The following NXPH2 variants were observed in gnomAD, a reference collection of about 807,000 sequenced individuals.
The protein encoded by NXPH2 is neurexophilin-2.
Under a neutral mutation model 19.8 loss-of-function variants are expected in NXPH2, and 5 were observed. The observed-to-expected ratio is 0.25, with a 90% CI of 0.13 to 0.53. The LOEUF is 0.53. Among genes scored for constraint, NXPH2 ranks in the 20% least tolerant of loss-of-function variants. NXPH2 has a pLI of 0.96. For missense variants in NXPH2, 289 were observed against 322.8 expected (o/e 0.90, Z 0.80); for synonymous variants, 154 against 127.4 (o/e 1.21, Z -1.41).
At chr2:138,747,412 G>T (rs1681755824) in intron 1 of NXPH2, among the ~76,000 whole-genome samples, 1 of 152,142 alleles carries the variant, frequency 6.6e-6, no homozygotes, top group Non-Finnish European at 1.5e-5. Flanking sequence ...ACTGGATGGA[G>T]CACTGAAGGT....
intron 1 of NXPH2, among the ~76,000 whole-genome samples, chr2:138,729,567 C>A (rs567174948): frequency 6.6e-6 from 1 of 152,290 alleles, no homozygotes; most frequent in African/African-American, 2.4e-5. Context: ...TCCTATTTAG[C>A]CTTCTAAAAT....
chr2:138,767,185 A>G (rs1682104755), intron 1 of NXPH2, among the ~76,000 whole-genome samples: 1 of 152,264 alleles, frequency 6.6e-6, no homozygotes, highest in Admixed American at 6.5e-5. Context: ...CAGCAAAATA[A>G]TAAATAGCAC....
intron 1 of NXPH2, among the ~76,000 whole-genome samples, chr2:138,735,716 A>G (rs1406797855): frequency 1.3e-5 from 2 of 152,144 alleles, no homozygotes; most frequent in African/African-American, 4.8e-5. Context: ...TTCAGCATTA[A>G]CTCAAAAGTC....
intron 1 of NXPH2, among the ~76,000 whole-genome samples, chr2:138,735,896 T>G (rs1357006864): frequency 6.6e-6 from 1 of 152,226 alleles, no homozygotes; most frequent in Non-Finnish European, 1.5e-5. Context: ...ACCAGCCCCA[T>G]GCAAGTCCAA....
At chr2:138,689,152 G>C (rs916917958) in intron 1 of NXPH2, among the ~76,000 whole-genome samples, 3 of 152,148 alleles carry the variant, frequency 2.0e-5, no homozygotes, top group African/African-American at 7.2e-5. Flanking sequence ...ACCATATCAT[G>C]TTTCTAAATT....
At chr2:138,673,086 A>G (rs968029301) in intron 1 of NXPH2, among the ~76,000 whole-genome samples, 13 of 152,234 alleles carry the variant, frequency 8.5e-5, no homozygotes, top group Admixed American at 1.3e-4. Flanking sequence ...AGGTGCTACA[A>G]CATATACTTC....
chr2:138,758,793 A>G (rs1005099230), intron 1 of NXPH2, among the ~76,000 whole-genome samples: 1 of 152,216 alleles, frequency 6.6e-6, no homozygotes, highest in South Asian at 2.1e-4. Context: ...GTACCTCACC[A>G]AAAACACCAG....
At chr2:138,671,799 C>T (rs1680421455) in intron 1 of NXPH2, 134 bp from the exon 2 acceptor site, 1 of 867,466 alleles carries the variant, frequency 1.2e-6, no homozygotes, top group Non-Finnish European at 1.7e-6. Flanking sequence ...ACACACACAG[C>T]CGGGCTCAAC....
chr2:138,715,159 C>T (rs1258119240), intron 1 of NXPH2, among the ~76,000 whole-genome samples: 4 of 152,088 alleles, frequency 2.6e-5, no homozygotes, highest in African/African-American at 9.7e-5. Flanking sequence ...TTACTTGAAT[C>T]CCTGGATATT....
intron 1 of NXPH2, among the ~76,000 whole-genome samples, chr2:138,729,978 T>C (rs1284480683): frequency 6.6e-6 from 1 of 152,142 alleles, no homozygotes; most frequent in African/African-American, 2.4e-5. Flanking sequence ...AGGTTAAAAG[T>C]CCAAGATCAA....
chr2:138,760,410 C>T (rs897443307), intron 1 of NXPH2, among the ~76,000 whole-genome samples: 1 of 152,196 alleles, frequency 6.6e-6, no homozygotes, highest in African/African-American at 2.4e-5. Context: ...AAACATGCTT[C>T]CTAACAGCAA....
intron 1 of NXPH2, among the ~76,000 whole-genome samples, chr2:138,686,811 T>A (rs1680663147): frequency 6.6e-6 from 1 of 152,214 alleles, no homozygotes; most frequent in African/African-American, 2.4e-5. Flanking sequence ...GTTTGTTTTT[T>A]TTGTCCTTGC....
At chr2:138,727,695 T>G (rs1298329259) in intron 1 of NXPH2, among the ~76,000 whole-genome samples, 1 of 151,752 alleles carries the variant, frequency 6.6e-6, no homozygotes, top group Non-Finnish European at 1.5e-5. Flanking sequence ...TTGCAAACAT[T>G]TTCTCCCAGT....
intron 1 of NXPH2, among the ~76,000 whole-genome samples, chr2:138,696,901 AATAGAAACTAAT>A (rs1680837358): frequency 6.6e-6 from 1 of 152,178 alleles, no homozygotes; most frequent in Non-Finnish European, 1.5e-5. Flanking sequence ...TGGATAATCA[AATAGAAACTAAT>A]GGATAATTAA....
intron 1 of NXPH2, among the ~76,000 whole-genome samples, chr2:138,700,251 C>T (rs1269830812): frequency 6.6e-6 from 1 of 152,178 alleles, no homozygotes; most frequent in East Asian, 1.9e-4. Flanking sequence ...ACATTATGTA[C>T]AGCTTTTCCT....
chr2:138,762,282 A>G (rs533931453), intron 1 of NXPH2, among the ~76,000 whole-genome samples: 3 of 152,308 alleles, frequency 2.0e-5, no homozygotes, highest in East Asian at 1.9e-4. Flanking sequence ...ATCACTTGCC[A>G]TGGTTCAGAC....
At chr2:138,710,030 T>C (rs1201883958) in intron 1 of NXPH2, among the ~76,000 whole-genome samples, 1 of 152,212 alleles carries the variant, frequency 6.6e-6, no homozygotes, top group Non-Finnish European at 1.5e-5. Flanking sequence ...TCTCAAACTA[T>C]TCCATCACTT....
At chr2:138,760,621 C>T (rs1461393358) in intron 1 of NXPH2, among the ~76,000 whole-genome samples, 1 of 152,154 alleles carries the variant, frequency 6.6e-6, no homozygotes, top group Admixed American at 6.5e-5. Flanking sequence ...CATCTCATCT[C>T]AAAAACTGCA....
At chr2:138,759,742 T>TG in intron 1 of NXPH2, among the ~76,000 whole-genome samples, 1 of 150,984 alleles carries the variant, frequency 6.6e-6, no homozygotes. Flanking sequence ...TTTTTTTTTT[T>TG]TTTTTGAGAC....
Sources: gnomAD v4.1 joint callset for allele counts (sites outside exome capture counted in the v4.1 genomes callset) on GRCh38, gnomAD v4.1.1 for gene constraint, MANE v1.5 for transcripts, NCBI Gene and HGNC (gene_info 2026-07-23, HGNC 2026-07-21) for gene names.